BMPER: variants seen among roughly 807,000 people sequenced by gnomAD.
BMPER encodes the protein BMP-binding endothelial regulator protein.
BMPER carries 45 observed loss-of-function variants against 87.3 expected under a neutral mutation model. The ratio of observed to expected loss-of-function variants is 0.52; its 90% CI spans 0.41 to 0.66. The LOEUF is 0.66. Ranked by LOEUF, BMPER falls within the 30% of genes least tolerant of loss-of-function variation. The probability of loss-of-function intolerance (pLI) is 0.00; values close to 1 mark genes in which losing one functional copy is unlikely to be tolerated. For missense variants in BMPER, 784 were observed against 867.5 expected, an observed-to-expected ratio of 0.90 and a Z score of 1.21; for synonymous variants, 326 against 316.2, an observed-to-expected ratio of 1.03 and a Z score of -0.33.
chr7:34,027,297 G>A (rs1204399137), intron 6 of BMPER, among the ~76,000 whole-genome samples: 1 of 152,108 alleles, frequency 6.6e-6, no homozygotes, highest in Admixed American at 6.6e-5. Flanking sequence ...CTCCGATGGT[G>A]AGTAAAAGTG....
At chr7:34,079,564 T>C (rs1364264202) in intron 12 of BMPER, among the ~76,000 whole-genome samples, 1 of 152,218 alleles carries the variant, frequency 6.6e-6, no homozygotes, top group African/African-American at 2.4e-5. Flanking sequence ...GAATTGTCAG[T>C]GTCTCCCAGC....
chr7:34,119,482 A>G (rs1454247097), intron 13 of BMPER, among the ~76,000 whole-genome samples: 1 of 152,190 alleles, frequency 6.6e-6, no homozygotes, highest in Non-Finnish European at 1.5e-5. Flanking sequence ...CATGTTCTCT[A>G]CTGTTGGACC....
At chr7:33,907,970 T>G (rs1404847819) in intron 2 of BMPER, among the ~76,000 whole-genome samples, 2 of 152,212 alleles carry the variant, frequency 1.3e-5, no homozygotes, top group Non-Finnish European at 2.9e-5. Context: ...ATCAAACAAT[T>G]ATCAGGTTCG....
intron 13 of BMPER, among the ~76,000 whole-genome samples, chr7:34,091,450 A>G (rs948697224): frequency 8.5e-5 from 13 of 152,084 alleles, no homozygotes; most frequent in African/African-American, 3.1e-4. Context: ...TATGCCTTTT[A>G]TTTTTCCTTA....
chr7:34,027,982 C>A (rs1229916963), intron 6 of BMPER, among the ~76,000 whole-genome samples: 1 of 151,954 alleles, frequency 6.6e-6, no homozygotes, highest in Non-Finnish European at 1.5e-5. Flanking sequence ...GGTAGAATAT[C>A]CACTCAAAGT....
chr7:33,933,715 G>C (rs867139055), intron 2 of BMPER, among the ~76,000 whole-genome samples: 1 of 152,120 alleles, frequency 6.6e-6, no homozygotes, highest in African/African-American at 2.4e-5. Flanking sequence ...CTCTGCTTTC[G>C]TTAGAGAGTT....
intron 6 of BMPER, among the ~76,000 whole-genome samples, chr7:34,045,156 T>C (rs1224012562): frequency 1.3e-5 from 2 of 152,200 alleles, no homozygotes; most frequent in African/African-American, 2.4e-5. Flanking sequence ...AGCGAATTCA[T>C]TGAAATTCCA....
intron 6 of BMPER, among the ~76,000 whole-genome samples, chr7:33,985,822 T>C (rs1354533208): frequency 6.6e-6 from 1 of 152,168 alleles, no homozygotes; most frequent in Admixed American, 6.5e-5. Context: ...GTATGAAGGA[T>C]CTTAATCCTC....
chr7:34,061,973 A>T lies in BMPER; in HGVS notation c.1033-29A>T, dbSNP rs768911188. ...CTGTTTTTTTTTTTTTTTAAACAGTAACTTTGTATTTGTTTTTCTTCTGAT... is the reference window on the plus strand; with the variant it reads ...CTGTTTTTTTTTTTTTTTAAACAGTTACTTTGTATTTGTTTTTCTTCTGAT... On this transcript the variant is annotated intron_variant, in intron 10 of 14. Coordinates refer to ENST00000649409, the MANE Select transcript of BMPER (RefSeq NM_001365308.1). 27 of 1,553,554 alleles carry T rather than the reference A, an allele frequency of 1.7e-5. No individual in the cohort carries two copies. The East Asian group carries it at 6.1e-4, about 35-fold the overall frequency.
intron 13 of BMPER, among the ~76,000 whole-genome samples, chr7:34,086,884 C>T (rs1433179723): frequency 6.6e-6 from 1 of 152,134 alleles, no homozygotes; most frequent in Non-Finnish European, 1.5e-5. Context: ...CTGCCTATAA[C>T]TTTAACCACT....
chr7:34,127,524 T>C lies in BMPER; in HGVS notation c.1746-15706T>C, dbSNP rs549151664. On this transcript the variant is annotated intron_variant, in intron 13 of 14. Coordinates refer to ENST00000649409, the MANE Select transcript of BMPER (RefSeq NM_001365308.1). ...CTCCCTGATCCCACCAAGAACCAGTTGTTGAACATTTACCACCACACCACT... is the reference window on the plus strand; with the variant it reads ...CTCCCTGATCCCACCAAGAACCAGTCGTTGAACATTTACCACCACACCACT... 4.6e-5 allele frequency among the ~76,000 whole-genome samples: 7 copies of C among 151,806 alleles called. No individual in the cohort carries two copies. The South Asian group carries it at 1.3e-3, about 27-fold the overall frequency.
At chr7:34,121,624 G>A (rs17752783) in intron 13 of BMPER, among the ~76,000 whole-genome samples, 25,992 of 152,150 alleles carry the variant, frequency 0.17, 2,418 homozygotes, top group Non-Finnish European at 0.2. Context: ...AGAAGCTTGC[G>A]TATGAGGATG....
intron 11 of BMPER, among the ~76,000 whole-genome samples, chr7:34,077,440 G>T (rs1168490702): frequency 6.6e-6 from 1 of 152,144 alleles, no homozygotes; most frequent in Non-Finnish European, 1.5e-5. Flanking sequence ...TTCAAAATGT[G>T]TCTCTCCCAC....
At chr7:34,000,132 G>A (rs1239483661) in intron 6 of BMPER, among the ~76,000 whole-genome samples, 1 of 152,160 alleles carries the variant, frequency 6.6e-6, no homozygotes. Context: ...GGCTGGAGAA[G>A]AGAAGGTGAA....
intron 12 of BMPER, among the ~76,000 whole-genome samples, chr7:34,084,977 G>T (rs1489638426): frequency 6.6e-6 from 1 of 152,212 alleles, no homozygotes; most frequent in Non-Finnish European, 1.5e-5. Flanking sequence ...AGCAGTACTG[G>T]CCTGCTGATG....
intron 2 of BMPER, among the ~76,000 whole-genome samples, chr7:33,929,679 T>G: frequency 6.6e-6 from 1 of 152,092 alleles, no homozygotes; most frequent in East Asian, 1.9e-4. Flanking sequence ...CTGCCCTGGC[T>G]AGCTATGTAA....
intron 13 of BMPER, among the ~76,000 whole-genome samples, chr7:34,108,267 T>G (rs1789875730): frequency 6.6e-6 from 1 of 152,192 alleles, no homozygotes; most frequent in African/African-American, 2.4e-5. Context: ...ACACTTCTGT[T>G]TTTTTCAGTG....
rs1485433167 is a variant in BMPER at position 34,046,403 on chromosome 7, T to C, written c.674T>C (p.Leu225Ser). The C allele has an allele frequency of 2.5e-6, 4 of 1,612,798 alleles. No homozygotes were observed. The highest frequency in any genetic ancestry group is 3.4e-6 in the Non-Finnish European group (4 of 1,178,936). The change falls in exon 7 of 15, where the codon TTG (leucine) becomes TCG (serine). Residue 225 changes from leucine (L) to serine (S), a missense_variant and splice_region_variant. Coordinates refer to ENST00000649409, the MANE Select transcript of BMPER (RefSeq NM_001365308.1). ...IPPGQCCPKC[L>S]GQRKVFDLPF... Reference sequence around the variant, plus strand: ...CCAGGACAGTGCTGCCCCAAATGTTTGGGTGAGTTACTATTTTCAGGTCAA... The same window carrying C: ...CCAGGACAGTGCTGCCCCAAATGTTCGGGTGAGTTACTATTTTCAGGTCAA...
At chr7:33,954,461 G>A (rs1025182356) in intron 3 of BMPER, among the ~76,000 whole-genome samples, 2 of 152,132 alleles carry the variant, frequency 1.3e-5, no homozygotes, top group African/African-American at 2.4e-5. Flanking sequence ...CACATTAGTT[G>A]CCAGGAATGA....
Sources: allele counts gnomAD v4.1 joint callset (sites outside exome capture counted in the v4.1 genomes callset), GRCh38; gene constraint gnomAD v4.1.1; transcripts MANE v1.5; gene names NCBI Gene and HGNC (gene_info 2026-07-23, HGNC 2026-07-21).